DGKD: variants seen among roughly 807,000 people sequenced by gnomAD.
DGKD encodes diacylglycerol kinase delta.
In DGKD, 68 loss-of-function variants were observed where a neutral mutation model predicts 154.4. That is an observed-to-expected ratio of 0.44 (90% CI 0.36 to 0.54). The LOEUF (loss-of-function observed/expected upper bound fraction) is 0.54, where lower values mean the gene tolerates loss of function less well. Ranked by LOEUF, DGKD falls within the 20% of genes least tolerant of loss-of-function variation. The pLI is 0.00. For synonymous variants in DGKD, 693 were observed against 638.0 expected (o/e 1.09, Z -1.30); for missense variants, 1,343 against 1,593.6 (o/e 0.84, Z 2.68).
intron 23 of DGKD, 140 bp downstream of exon 23, chr2:233,460,031 G>C: frequency 6.9e-7 from 1 of 1,450,516 alleles, no homozygotes; most frequent in South Asian, 1.5e-5. Flanking sequence ...TAAGCTAATA[G>C]GGCAGTAATT....
At chr2:233,398,005 T>C (rs962527858) in intron 3 of DGKD, among the ~76,000 whole-genome samples, 1 of 152,058 alleles carries the variant, frequency 6.6e-6, no homozygotes, top group African/African-American at 2.4e-5. Context: ...TTTGTTGGTT[T>C]TTTTCCTAGT....
At position 233,413,395 on chromosome 2, in the gene DGKD, G is replaced by C. The variant is rs548397394; in HGVS notation, c.349-20985G>C. 7.2e-5 allele frequency among the ~76,000 whole-genome samples: 11 copies of C among 151,790 alleles called. No individual in the cohort carries two copies. In the South Asian group the frequency reaches 1.9e-3, roughly 26 times the overall value. ...GGGGTAAAGTTTTTGATAATACCCT[G>C]TGATTTTTTTTTTTTAATGTTCAGA... On this transcript the variant is annotated intron_variant, in intron 3 of 29. Coordinates refer to ENST00000264057, the MANE Select transcript of DGKD (RefSeq NM_152879.3).
At position 233,452,622 on chromosome 2, in the gene DGKD, C is replaced by T. The variant is rs1420683502; in HGVS notation, c.2264+562C>T. 6.6e-6 allele frequency among the ~76,000 whole-genome samples: 1 copy of T among 152,162 alleles called. No homozygotes were observed. Among genetic ancestry groups the T allele is most frequent in the African/African-American group, 2.4e-5 (1 of 41,428 alleles). ...GCTTATAAGGGCTGCTGCGTGCCTGCGTGCTGATACTGCTACTCCTTGGGG... is the reference window on the plus strand; with the variant it reads ...GCTTATAAGGGCTGCTGCGTGCCTGTGTGCTGATACTGCTACTCCTTGGGG... On this transcript the variant is annotated intron_variant, in intron 18 of 29. Coordinates refer to ENST00000264057, the MANE Select transcript of DGKD (RefSeq NM_152879.3). This position sits in a 1 kb window ranked among gnomAD's most constrained non-coding sequence, Gnocchi z 4.0.
chr2:233,449,043 C>T lies in DGKD; in HGVS notation c.1615-60C>T. The T allele has an allele frequency of 1.3e-6, 2 of 1,517,186 alleles. No individual in the cohort carries two copies. Among genetic ancestry groups the T allele is most frequent in the Non-Finnish European group, 1.8e-6 (2 of 1,131,032 alleles). 94.0% of individuals were successfully genotyped at this position (1,517,186 alleles called of 1,614,324 possible). A position where few individuals can be genotyped will look rare whatever the true frequency, so the allele number is the denominator to read the frequency against. On this transcript the variant is annotated intron_variant, in intron 14 of 29. Coordinates refer to ENST00000264057, the MANE Select transcript of DGKD (RefSeq NM_152879.3). The surrounding 1 kb of genome is among the most constrained non-coding windows in gnomAD (Gnocchi z 5.3). ...TCTGGGTGAAATGGCCTGAGGTTCC[C>T]TGCCTGCAGACCCTGTTCTCCTGCC... is the stretch of plus-strand genomic sequence containing the variant.
rs2063043514 is a variant in DGKD at position 233,445,707 on chromosome 2, C to A, written c.1279C>A (p.Gln427Lys). The A allele has an allele frequency of 1.2e-6, 2 of 1,613,640 alleles. No homozygotes were observed. ...GGGCTCAGCCTGCGATGACGACACC[C>A]AGCTCCCCCAGATCTTGGAGAAGTT... is the stretch of plus-strand genomic sequence containing the variant. ...GWGSACDDDT[Q>K]LPQILEKLER... The change falls in exon 11 of 30, where the codon CAG becomes AAG. Residue 427 changes from glutamine (Q) to lysine (K), a missense_variant. By Grantham distance (53) the Gln-to-Lys change is moderately conservative (BLOSUM62 1). This residue lies in a region of DGKD where 409 missense variants were observed against 446.0 expected (regional missense o/e 0.92). Coordinates refer to ENST00000264057, the MANE Select transcript of DGKD (RefSeq NM_152879.3). This position sits in a 1 kb window ranked among gnomAD's most constrained non-coding sequence, Gnocchi z 5.5.
chr2:233,446,362 C>T (rs1016274730), intron 11 of DGKD, among the ~76,000 whole-genome samples: 1 of 152,256 alleles, frequency 6.6e-6, no homozygotes, highest in Non-Finnish European at 1.5e-5. Context: ...CAGGCCTCCT[C>T]TGTGTGCCTT....
At chr2:233,431,611 T>A (rs1228904351) in intron 3 of DGKD, among the ~76,000 whole-genome samples, 1 of 152,208 alleles carries the variant, frequency 6.6e-6, no homozygotes, top group Non-Finnish European at 1.5e-5. Context: ...GGCGTGGTAC[T>A]GGCATAAAAA....
intron 1 of DGKD, among the ~76,000 whole-genome samples, chr2:233,379,339 A>T (rs897590032): frequency 2.6e-5 from 4 of 152,168 alleles, no homozygotes; most frequent in Non-Finnish European, 1.5e-5. Context: ...GTGGGGAAAT[A>T]AAAGGAGTTG....
chr2:233,434,310 A>T, intron 3 of DGKD, 70 bp from the exon 4 acceptor site: 1 of 1,262,906 alleles, frequency 7.9e-7, no homozygotes, highest in Non-Finnish European at 1.1e-6. Context: ...GGTCGGTTTT[A>T]AGAAAGCGTT....
chr2:233,374,629 C>G (rs539323576), intron 1 of DGKD, among the ~76,000 whole-genome samples: 2 of 151,686 alleles, frequency 1.3e-5, no homozygotes, highest in African/African-American at 4.8e-5. Context: ...GCCATAGCAC[C>G]TGACAATTTT....
At chr2:233,460,800 C>G (rs943074839) in intron 24 of DGKD, among the ~76,000 whole-genome samples, 3 of 152,032 alleles carry the variant, frequency 2.0e-5, no homozygotes, top group Non-Finnish European at 4.4e-5. Flanking sequence ...GCTGAAGCAG[C>G]AGAATCAGTC....
At chr2:233,358,333 C>T (rs972663666) in intron 1 of DGKD, among the ~76,000 whole-genome samples, 1 of 152,172 alleles carries the variant, frequency 6.6e-6, no homozygotes, top group African/African-American at 2.4e-5. Flanking sequence ...TGGATATGAG[C>T]ATGAAAGTGC....
intron 3 of DGKD, among the ~76,000 whole-genome samples, chr2:233,427,628 C>T (rs931046432): frequency 1.3e-5 from 2 of 152,218 alleles, no homozygotes; most frequent in Non-Finnish European, 1.5e-5. Flanking sequence ...AGGCGTAAGC[C>T]ACTGCGCCCA....
At chr2:233,468,599 G>T (rs757283097) in intron 29 of DGKD, 46 bp downstream of exon 29, 2 of 1,608,648 alleles carry the variant, frequency 1.2e-6, no homozygotes, top group African/African-American at 1.3e-5. Context: ...GGGCTTGCAC[G>T]CAGCTCCCTT....
intron 1 of DGKD, among the ~76,000 whole-genome samples, chr2:233,370,120 G>A (rs1037982519): frequency 1.3e-5 from 2 of 152,010 alleles, no homozygotes; most frequent in African/African-American, 4.8e-5. Flanking sequence ...CTTCCCCATC[G>A]TGAGTCACTC....
At chr2:233,436,621 ATTTC>A (rs1356474656) in intron 7 of DGKD, among the ~76,000 whole-genome samples, 180 bp downstream of exon 7, 1 of 152,138 alleles carries the variant, frequency 6.6e-6, no homozygotes, top group Non-Finnish European at 1.5e-5. Context: ...GTTTTGGGGT[ATTTC>A]TTCCTTTTGC....
In DGKD at chr2:233,437,571, T is replaced by C. The variant is rs917628164; in HGVS notation, c.922+92T>C. ...TTCTCCAGCTCTGGAGTTGGTTATC[T>C]TGGTGAGATGTCAGCAAGAGGTCAG... On this transcript the variant is annotated intron_variant, in intron 8 of 29. Transcript: ENST00000264057. 2.3e-6 allele frequency: 3 copies of C among 1,282,394 alleles called. No individual in the cohort carries two copies. The African/African-American group carries it at 4.4e-5, about 19-fold the overall frequency. The allele number at this position is 1,282,394 out of a possible 1,614,324, so 79.4% of individuals were successfully genotyped here.
chr2:233,360,554 G>A (rs1388792124), intron 1 of DGKD, among the ~76,000 whole-genome samples: 1 of 151,994 alleles, frequency 6.6e-6, no homozygotes, highest in Non-Finnish European at 1.5e-5. Flanking sequence ...TACTGTGCCT[G>A]GCCAAAATTT....
At position 233,388,292 on chromosome 2, in the gene DGKD, C is replaced by T. The variant is rs1703324642; in HGVS notation, c.192C>T (p.Asn64=). The change falls in exon 2 of 30, where the codon AAC becomes AAT. Residue 64 remains asparagine, a synonymous_variant. Transcript: ENST00000264057. ...IIKEGMLTKQ[N]NSFQRSKRRY... ...AAGAGGGGATGCTGACCAAACAGAA[C>T]AATTCATTCCAGCGATCAAAAAGGA... 1 of 1,614,056 alleles carries T rather than the reference C, an allele frequency of 6.2e-7. No homozygotes were observed. The highest frequency in any genetic ancestry group is 8.5e-7 in the Non-Finnish European group (1 of 1,179,994).
Sources: allele counts gnomAD v4.1 joint callset (sites outside exome capture counted in the v4.1 genomes callset), GRCh38; gene constraint gnomAD v4.1.1; regional missense constraint gnomAD v4.1.1; non-coding constraint Gnocchi (gnomAD v3.1); transcripts MANE v1.5; gene names NCBI Gene and HGNC (gene_info 2026-07-23, HGNC 2026-07-21).